Variants in ADAM28 observed in about 807,000 individuals in gnomAD.
ADAM28 encodes disintegrin and metalloproteinase domain-containing protein 28.
A neutral mutation model predicts 101.2 loss-of-function variants in ADAM28; 105 were observed. The ratio of observed to expected loss-of-function variants is 1.04; its 90% CI spans 0.89 to 1.22. ADAM28 has a LOEUF of 1.22. Ranked by LOEUF, ADAM28 falls within the 50% of genes most tolerant of loss-of-function variation. The pLI is 0.00. For missense variants in ADAM28, 1,028 were observed against 945.4 expected (o/e 1.09, Z -1.15); for synonymous variants, 322 against 310.6 (o/e 1.04, Z -0.39).
At chr8:24,308,875 C>T (rs62502720) in intron 2 of ADAM28, 60,217 of 344,018 alleles carry the variant, frequency 0.18, 5,867 homozygotes, top group East Asian at 0.33. Flanking sequence ...GATACCATAC[C>T]GGCCAGAAGG....
chr8:24,337,477 T>C (rs899412684), intron 14 of ADAM28, among the ~76,000 whole-genome samples: 4 of 152,238 alleles, frequency 2.6e-5, no homozygotes, highest in Non-Finnish European at 5.9e-5. Context: ...GTAAACTTCC[T>C]GGAACAGGGA....
At position 24,343,518 on chromosome 8, in the gene ADAM28, G is replaced by C; in HGVS notation, c.1924G>C (p.Glu642Gln). 1 of 1,613,770 alleles carries C rather than the reference G, an allele frequency of 6.2e-7. No homozygotes were observed. The highest frequency in any genetic ancestry group is 8.5e-7 in the Non-Finnish European group (1 of 1,179,802). The change falls in exon 18 of 23, where the codon GAG becomes CAG. Residue 642 changes from glutamate to glutamine, a missense_variant. Coordinates refer to ENST00000265769, the MANE Select transcript of ADAM28 (RefSeq NM_014265.6). Reference sequence around the variant, plus strand: ...ATTGCTCCCCTAGGTGTGTGACCATGAGCTCCAGTGTCAATGTGAGGAAGG... The same window carrying C: ...ATTGCTCCCCTAGGTGTGTGACCATCAGCTCCAGTGTCAATGTGAGGAAGG... ...KCKGHAVCDHELQCQCEEGWI... is the reference protein window; with the variant it reads ...KCKGHAVCDHQLQCQCEEGWI...
In ADAM28 at chr8:24,349,949, A is replaced by G. The variant is rs569295329; in HGVS notation, c.2076A>G (p.Arg692=). ...TGGTAATCCGGCACCAGAGCTCCAG[A>G]GAAAAGCAGAAGAAAGATCAGAGGT... ...VAMVIRHQSS[R]EKQKKDQRPL... is the part of the protein sequence containing the mutation. The change falls in exon 19 of 23, where the codon AGA becomes AGG. Residue 692 remains arginine, a synonymous_variant. Coordinates refer to ENST00000265769, the MANE Select transcript of ADAM28 (RefSeq NM_014265.6). 2.5e-6 allele frequency: 4 copies of G among 1,613,698 alleles called. No individual in the cohort carries two copies. The African/African-American group carries it at 4.0e-5, about 16-fold the overall frequency.
intron 16 of ADAM28, 84 bp downstream of exon 16, chr8:24,341,841 T>G: frequency 6.4e-7 from 1 of 1,561,804 alleles, no homozygotes; most frequent in Non-Finnish European, 8.8e-7. Context: ...TTATTCACTA[T>G]GTGCCTTGTT....
intron 10 of ADAM28, among the ~76,000 whole-genome samples, chr8:24,327,495 C>T (rs1013741888): frequency 6.6e-6 from 1 of 151,956 alleles, no homozygotes; most frequent in Non-Finnish European, 1.5e-5. Context: ...GTGCTATACC[C>T]ATCATACAAT....
Position 24,343,230 on chromosome 8 carries a change from T to C in ADAM28, c.1911+49T>C, listed in dbSNP as rs750840784. On this transcript the variant is annotated intron_variant, in intron 17 of 22. Coordinates refer to ENST00000265769, the MANE Select transcript of ADAM28 (RefSeq NM_014265.6). ...CTAAGCTCTCTGAATCTTATGACAT[T>C]CTAGGTCAGTCATAAGAAAGCTAAA... 7 of 1,578,876 alleles carry C rather than the reference T, an allele frequency of 4.4e-6. No individual in the cohort carries two copies. The African/African-American group carries it at 9.4e-5, about 21-fold the overall frequency.
intron 6 of ADAM28, among the ~76,000 whole-genome samples, chr8:24,314,229 GATT>G (rs1810861019): frequency 6.6e-6 from 1 of 152,074 alleles, no homozygotes; most frequent in Non-Finnish European, 1.5e-5. Context: ...GCTATGAAGT[GATT>G]ATTATTATTT....
intron 2 of ADAM28, among the ~76,000 whole-genome samples, chr8:24,309,419 G>A (rs1432807587): frequency 6.6e-6 from 1 of 152,104 alleles, no homozygotes; most frequent in Non-Finnish European, 1.5e-5. Flanking sequence ...CACTTCACCT[G>A]GGTAATTTAT....
At chr8:24,334,615 T>G (rs77629651) in intron 13 of ADAM28, among the ~76,000 whole-genome samples, 2,286 of 152,282 alleles carry the variant, frequency 0.015, 60 homozygotes, top group African/African-American at 0.052. Context: ...GGTAAGGAAT[T>G]CTCTGACTGG....
intron 2 of ADAM28, among the ~76,000 whole-genome samples, chr8:24,301,103 T>C (rs936233550): frequency 2.6e-5 from 4 of 152,212 alleles, no homozygotes; most frequent in African/African-American, 9.6e-5. Context: ...ACACAAATAA[T>C]AGTTTACAGA....
In ADAM28 at chr8:24,355,130, G is replaced by A. The variant is rs1341719966; in HGVS notation, c.*726G>A. On this transcript the variant is annotated 3_prime_UTR_variant, in exon 23 of 23. Transcript: ENST00000265769. ...GAATGATATTGATATTGGACACATA[G>A]TACTTTTACATGTTTTGAATGTATT... The A allele has an allele frequency of 6.6e-6, 1 of 152,492 alleles. No individual in the cohort carries two copies. Among genetic ancestry groups the A allele is most frequent in the African/African-American group, 2.4e-5 (1 of 41,424 alleles). 9.4% of individuals were successfully genotyped at this position (152,492 alleles called of 1,614,324 possible). A position where few individuals can be genotyped will look rare whatever the true frequency, so the allele number is the denominator to read the frequency against.
intron 2 of ADAM28, among the ~76,000 whole-genome samples, chr8:24,306,363 A>AATAAAT (rs1304759838): frequency 9.2e-6 from 1 of 108,502 alleles, no homozygotes; most frequent in African/African-American, 3.8e-5. Context: ...TAAATAAATA[A>AATAAAT]ATATATATAT....
intron 2 of ADAM28, among the ~76,000 whole-genome samples, chr8:24,300,327 CA>C (rs1808552679): frequency 1.3e-5 from 2 of 152,092 alleles, no homozygotes; most frequent in Non-Finnish European, 2.9e-5. Flanking sequence ...CACTATAACC[CA>C]AAGTTATATT....
chr8:24,356,284 T>G lies in ADAM28; in HGVS notation c.*1880T>G, dbSNP rs1209258142. ...GTGAACTTTTCTGTGTTGTTGTTGT[T>G]GTTTTTTAAATATCTGTCCCCAGTA... On this transcript the variant is annotated 3_prime_UTR_variant, in exon 23 of 23. Coordinates refer to ENST00000265769, the MANE Select transcript of ADAM28 (RefSeq NM_014265.6). The G allele has an allele frequency of 6.6e-6, 1 of 152,218 alleles. No homozygotes were observed. The highest frequency in any genetic ancestry group is 2.4e-5 in the African/African-American group (1 of 41,448). 9.4% of individuals were successfully genotyped at this position (152,218 alleles called of 1,614,324 possible).
chr8:24,339,611 C>A, intron 15 of ADAM28, 43 bp downstream of exon 15: 1 of 1,459,060 alleles, frequency 6.9e-7, no homozygotes, highest in Non-Finnish European at 9.5e-7. Context: ...CAGACTAGAG[C>A]AATGGTACAC....
intron 1 of ADAM28, 126 bp from the exon 2 acceptor site, chr8:24,299,848 C>CT (rs1284555578): frequency 7.6e-6 from 5 of 659,988 alleles, no homozygotes; most frequent in African/African-American, 1.8e-5. Flanking sequence ...ATTAATCACT[C>CT]TGACATTCAT....
rs1451772500 is a variant in ADAM28, at chr8:24,313,578, G to T, written c.574G>T (p.Val192Leu). The T allele has an allele frequency of 1.2e-6, 2 of 1,612,980 alleles. No individual in the cohort carries two copies. The highest frequency in any genetic ancestry group is 3.3e-5 in the Admixed American group (2 of 59,862). The change falls in exon 6 of 23, where the codon GTA becomes TTA. Residue 192 changes from valine to leucine, a missense_variant and splice_region_variant. Coordinates refer to ENST00000265769, the MANE Select transcript of ADAM28 (RefSeq NM_014265.6). ...QNIALPATKL[V>L]KLKDRKVQEH... ...CATTGCCCTACCTGCCACCAAACTA[G>T]TAGTATGTGTAACTTTATTTATTTG...
At chr8:24,332,407 T>C (rs1368218563) in intron 12 of ADAM28, among the ~76,000 whole-genome samples, 1 of 152,152 alleles carries the variant, frequency 6.6e-6, no homozygotes, top group Non-Finnish European at 1.5e-5. Flanking sequence ...AAAGAATAGA[T>C]CTTTCCTTAA....
chr8:24,319,505 C>T (rs1563287935), intron 6 of ADAM28, among the ~76,000 whole-genome samples: 1 of 151,940 alleles, frequency 6.6e-6, no homozygotes, highest in African/African-American at 2.4e-5. Flanking sequence ...CATGTCTCAT[C>T]AGATAATACC....
Sources: allele counts gnomAD v4.1 joint callset (sites outside exome capture counted in the v4.1 genomes callset), GRCh38; gene constraint gnomAD v4.1.1; transcripts MANE v1.5; gene names NCBI Gene and HGNC (gene_info 2026-07-23, HGNC 2026-07-21).